Variants in ADAMTSL1 observed in about 807,000 individuals in gnomAD.
The protein encoded by ADAMTSL1 is ADAMTS-like protein 1.
In ADAMTSL1, 126 loss-of-function variants were observed where a neutral mutation model predicts 201.8. The observed-to-expected ratio is 0.62, with a 90% CI of 0.54 to 0.72. ADAMTSL1 has a LOEUF of 0.72. Among genes scored for constraint, ADAMTSL1 ranks in the 30% least tolerant of loss-of-function variants. The pLI is 0.00. For synonymous variants in ADAMTSL1, 1,121 were observed against 903.4 expected (o/e 1.24, Z -4.32); for missense variants, 2,679 against 2,277.8 (o/e 1.18, Z -3.59).
intron 2 of ADAMTSL1, among the ~76,000 whole-genome samples, chr9:18,263,572 C>A (rs139813902): frequency 1.3e-5 from 2 of 152,172 alleles, no homozygotes; most frequent in African/African-American, 4.8e-5. Context: ...CCGCAAATTC[C>A]GAAGCCAAAT....
rs947004548 is a variant in ADAMTSL1 at position 18,713,746 on chromosome 9, G to A, written c.1876+6698G>A. On this transcript the variant is annotated intron_variant, in intron 14 of 28. Transcript: ENST00000380548. ...ATTGAACTCAGCTCTGCACCAAGCG[G>A]ACCTAATAGACATCTACAGAACTCT... is the stretch of plus-strand genomic sequence containing the variant. Among the ~76,000 whole-genome samples the A allele has an allele frequency of 6.9e-5, 10 of 145,262 alleles. 1 individual carries two copies. Among genetic ancestry groups the A allele is most frequent in the Admixed American group, 6.3e-4 (9 of 14,330 alleles).
At chr9:18,495,314 A>G (rs1462928573) in intron 1 of ADAMTSL1, among the ~76,000 whole-genome samples, 1 of 152,174 alleles carries the variant, frequency 6.6e-6, no homozygotes, top group African/African-American at 2.4e-5. Flanking sequence ...AAAAGCCAAG[A>G]GGCAGAGGGC....
chr9:18,439,815 T>C (rs1802764262), intron 2 of ADAMTSL1, among the ~76,000 whole-genome samples: 1 of 152,248 alleles, frequency 6.6e-6, no homozygotes, highest in African/African-American at 2.4e-5. Context: ...TATATTATTA[T>C]CCCATTTCAT....
intron 4 of ADAMTSL1, among the ~76,000 whole-genome samples, chr9:18,615,908 T>G (rs1312127136): frequency 1.3e-5 from 2 of 152,136 alleles, no homozygotes; most frequent in African/African-American, 4.8e-5. Flanking sequence ...GTAGGAGGTA[T>G]AGCTGCACAT....
intron 1 of ADAMTSL1, among the ~76,000 whole-genome samples, chr9:18,054,854 G>A (rs1463030587): frequency 6.6e-6 from 1 of 152,232 alleles, no homozygotes; most frequent in Non-Finnish European, 1.5e-5. Context: ...TGGGGGAGGT[G>A]CTTGGTAATG....
rs201573079 is a variant in ADAMTSL1, at chr9:18,753,465, G to T, written c.2174G>T (p.Arg725Leu). 1.2e-6 allele frequency: 2 copies of T among 1,613,212 alleles called. No homozygotes were observed. The highest frequency in any genetic ancestry group is 2.2e-5 in the South Asian group (2 of 90,872). Residue 725 changes from arginine (R) to leucine (L), a missense_variant, in exon 16 of 29, where the codon CGC becomes CTC. Physicochemically the swap from Arg to Leu is moderately radical, Grantham distance 102. Transcript: ENST00000380548. The part of the protein sequence containing the change: ...PKPSTVQACN[R>L]FNCPPAWYPA... ...CCCAGCACGGTGCAAGCTTGTAACC[G>T]CTTTAATTGCCCCCCAGCCTGGTAC...
chr9:18,829,792 G>A, intron 22 of ADAMTSL1, 51 bp from the exon 23 acceptor site: 1 of 1,609,488 alleles, frequency 6.2e-7, no homozygotes. Flanking sequence ...CTCTTGCCTT[G>A]ACACAGCCCT....
chr9:18,087,758 T>A (rs192079278), intron 1 of ADAMTSL1, among the ~76,000 whole-genome samples: 1 of 152,310 alleles, frequency 6.6e-6, no homozygotes, highest in African/African-American at 2.4e-5. Context: ...ATGTCTCTTT[T>A]AAGTAGAAGA....
chr9:18,815,850 GC>G (rs2131176585), intron 20 of ADAMTSL1, among the ~76,000 whole-genome samples: 1 of 151,854 alleles, frequency 6.6e-6, no homozygotes, highest in African/African-American at 2.4e-5. Context: ...TATGGATCAT[GC>G]TTTTCAAAAT....
At chr9:18,712,567 T>A (rs1832681848) in intron 14 of ADAMTSL1, among the ~76,000 whole-genome samples, 1 of 151,936 alleles carries the variant, frequency 6.6e-6, no homozygotes, top group African/African-American at 2.4e-5. Context: ...TCAAAAGAAA[T>A]GAGCAAAGCC....
At chr9:18,678,291 T>C (rs1830237824) in intron 10 of ADAMTSL1, among the ~76,000 whole-genome samples, 2 of 152,154 alleles carry the variant, frequency 1.3e-5, no homozygotes, top group Admixed American at 1.3e-4. Context: ...ATATGTCTTT[T>C]TTTTATTCCA....
intron 13 of ADAMTSL1, among the ~76,000 whole-genome samples, chr9:18,688,846 A>G (rs1831034580): frequency 6.7e-6 from 1 of 150,370 alleles, no homozygotes; most frequent in African/African-American, 2.4e-5. Flanking sequence ...TACAATTACT[A>G]AGACTCTGGG....
intron 2 of ADAMTSL1, among the ~76,000 whole-genome samples, chr9:18,418,035 C>T (rs1272869517): frequency 6.6e-6 from 1 of 152,120 alleles, no homozygotes; most frequent in East Asian, 1.9e-4. Context: ...AAACTCTAGG[C>T]TAATTTATTA....
intron 1 of ADAMTSL1, among the ~76,000 whole-genome samples, chr9:18,075,311 C>A (rs1437280037): frequency 6.6e-6 from 1 of 152,106 alleles, no homozygotes; most frequent in Non-Finnish European, 1.5e-5. Flanking sequence ...CACTTGTATG[C>A]ATTTTTAAAA....
intron 15 of ADAMTSL1, among the ~76,000 whole-genome samples, chr9:18,750,360 A>G (rs147412582): frequency 0.01 from 1,595 of 152,300 alleles, 18 homozygotes; most frequent in Admixed American, 0.029. Context: ...TTTTGAGCTT[A>G]TGATATAAAT....
chr9:18,897,350 G>T (rs1829708625), intron 26 of ADAMTSL1, among the ~76,000 whole-genome samples: 1 of 152,152 alleles, frequency 6.6e-6, no homozygotes, highest in Non-Finnish European at 1.5e-5. Flanking sequence ...CAGCACAGCT[G>T]TTCTACCAAA....
intron 1 of ADAMTSL1, among the ~76,000 whole-genome samples, chr9:18,138,976 G>A (rs377102079): frequency 4.6e-5 from 7 of 152,248 alleles, no homozygotes; most frequent in Middle Eastern, 6.8e-3. Flanking sequence ...ATCTGGAGAC[G>A]TGGATTTTAC....
intron 1 of ADAMTSL1, among the ~76,000 whole-genome samples, chr9:18,071,899 C>T (rs895150559): frequency 6.6e-6 from 1 of 152,138 alleles, no homozygotes; most frequent in Non-Finnish European, 1.5e-5. Context: ...CTGTGTGTCC[C>T]TTGCTAGAAC....
intron 2 of ADAMTSL1, among the ~76,000 whole-genome samples, chr9:18,367,405 CA>C (rs1319863318): frequency 4.7e-5 from 7 of 149,814 alleles, no homozygotes; most frequent in African/African-American, 1.7e-4. Context: ...CATTTCATGA[CA>C]TAATGGAAAG....
Sources: allele counts gnomAD v4.1 joint callset (sites outside exome capture counted in the v4.1 genomes callset), GRCh38; gene constraint gnomAD v4.1.1; transcripts MANE v1.5; gene names NCBI Gene and HGNC (gene_info 2026-07-23, HGNC 2026-07-21).